USH2A: variants seen among roughly 807,000 people sequenced by gnomAD.
USH2A encodes usherin.
A neutral mutation model predicts 538.9 loss-of-function variants in USH2A; 443 were observed. The observed-to-expected ratio is 0.82, with a 90% confidence interval of 0.76 to 0.89. USH2A has a LOEUF of 0.89. USH2A is among the 40% of genes least tolerant of loss of function. The probability of loss-of-function intolerance (pLI) is 0.00; values close to 1 mark genes in which losing one functional copy is unlikely to be tolerated. For synonymous variants in USH2A, 2,413 were observed against 2,273.5 expected (o/e 1.06, Z -1.75); for missense variants, 6,633 against 6,324.8 (o/e 1.05, Z -1.65).
intron 64 of USH2A, among the ~76,000 whole-genome samples, chr1:215,658,311 C>T (rs77579247): frequency 7.0e-4 from 106 of 151,790 alleles, no homozygotes; most frequent in Non-Finnish European, 1.3e-3. Context: ...CACCCCCATC[C>T]GACTCTCATG....
intron 47 of USH2A, among the ~76,000 whole-genome samples, chr1:215,836,891 G>A (rs1194901727): frequency 6.6e-6 from 1 of 151,574 alleles, no homozygotes; most frequent in Admixed American, 6.6e-5. Context: ...AGATGTGTTT[G>A]CTAAAGAATA....
At chr1:215,669,362 C>T (rs1205973872) in intron 64 of USH2A, among the ~76,000 whole-genome samples, 2 of 152,244 alleles carry the variant, frequency 1.3e-5, no homozygotes, top group African/African-American at 2.4e-5. Context: ...GTTACGTTTC[C>T]GATGGTGGCA....
rs1195871302 is a variant in USH2A at position 216,050,604 on chromosome 1, C to CTTTCTTTCTTTCTTTCT, written c.6050-1958_6050-1957insAGAAAGAAAGAAAGAAA. Among the ~76,000 whole-genome samples the CTTTCTTTCTTTCTTTCT allele has an allele frequency of 3.0e-3, 207 of 68,592 alleles. 4 individuals are homozygous for CTTTCTTTCTTTCTTTCT. The highest frequency in any genetic ancestry group is 0.01 in the African/African-American group (191 of 18,812). 45.0% of individuals were successfully genotyped at this position (68,592 alleles called of 152,430 possible). A position where few individuals can be genotyped will look rare whatever the true frequency, so the allele number is the denominator to read the frequency against. On this transcript the variant is annotated intron_variant, in intron 30 of 71. Coordinates refer to ENST00000307340, the MANE Select transcript of USH2A (RefSeq NM_206933.4). ...TCTTTCTTTCTTTCTTTCTTTCTTT[C>CTTTCTTTCTTTCTTTCT]TTTTTTTTTTTTTTTTTTGAGACAG... is the stretch of plus-strand genomic sequence containing the variant.
At chr1:216,215,136 C>T (rs1291329230) in intron 15 of USH2A, among the ~76,000 whole-genome samples, 2 of 151,936 alleles carry the variant, frequency 1.3e-5, no homozygotes, top group African/African-American at 4.8e-5. Flanking sequence ...TCCTAGGATT[C>T]CCACCCTGAC....
At chr1:215,868,003 C>A (rs1347642813) in intron 43 of USH2A, among the ~76,000 whole-genome samples, 1 of 152,110 alleles carries the variant, frequency 6.6e-6, no homozygotes, top group Non-Finnish European at 1.5e-5. Flanking sequence ...TATGAGTGGA[C>A]AATAGCTTAG....
rs141768009 is a variant in USH2A at position 216,029,104 on chromosome 1, A to C, written c.6325+17327T>G. Reference sequence around the variant, plus strand: ...TTAAATTGTACTTAATTTTGAATGAATAATGCATTAATATATATTCATGGT... The same window carrying C: ...TTAAATTGTACTTAATTTTGAATGACTAATGCATTAATATATATTCATGGT... On this transcript the variant is annotated intron_variant, in intron 32 of 71. Transcript: ENST00000307340. Among the ~76,000 whole-genome samples, 534 of 152,220 alleles carry C rather than the reference A, an allele frequency of 3.5e-3. 4 individuals carry two copies. The highest frequency in any genetic ancestry group is 0.012 in the African/African-American group (513 of 41,572).
At chr1:216,251,879 T>C (rs1160975673) in intron 11 of USH2A, among the ~76,000 whole-genome samples, 2 of 152,226 alleles carry the variant, frequency 1.3e-5, no homozygotes, top group Non-Finnish European at 2.9e-5. Flanking sequence ...CAATGTTTAA[T>C]GTTATTTGTT....
intron 58 of USH2A, among the ~76,000 whole-genome samples, chr1:215,753,356 G>A (rs929762643): frequency 7.9e-5 from 12 of 152,158 alleles, no homozygotes; most frequent in South Asian, 2.1e-4. Context: ...AAAGACACAC[G>A]CACATGTATG....
chr1:215,885,860 T>C (rs1325782502), intron 41 of USH2A, among the ~76,000 whole-genome samples: 1 of 152,236 alleles, frequency 6.6e-6, no homozygotes, highest in Non-Finnish European at 1.5e-5. Context: ...CTCTGCTCCT[T>C]GTATTATCCC....
Position 215,817,154 on chromosome 1 carries a change from C to G in USH2A, c.9413G>C (p.Gly3138Ala), listed in dbSNP as rs756163056. 2 of 1,612,596 alleles carry G rather than the reference C, an allele frequency of 1.2e-6. No individual in the cohort carries two copies. Among genetic ancestry groups the G allele is most frequent in the Non-Finnish European group, 1.7e-6 (2 of 1,178,954 alleles). ...IDWVSPRKPNGIILGYDLLWK... is the reference protein window; with the variant it reads ...IDWVSPRKPNAIILGYDLLWK... ...TAGGAGATCATATCCAAGAATGATG[C>G]CATTTGGCTTCCGTGGAGACACCCA... The change falls in exon 48 of 72, where the codon GGC becomes GCC. Residue 3138 changes from glycine (G) to alanine (A), a missense_variant. Coordinates refer to ENST00000307340, the MANE Select transcript of USH2A (RefSeq NM_206933.4).
At chr1:216,104,202 G>A (rs191034919) in intron 21 of USH2A, among the ~76,000 whole-genome samples, 2 of 152,044 alleles carry the variant, frequency 1.3e-5, no homozygotes, top group Admixed American at 1.3e-4. Flanking sequence ...ATCTCCAAAT[G>A]CTTTCCCTCC....
At chr1:216,292,480 A>G (rs2037021712) in intron 9 of USH2A, 110 bp from the exon 10 acceptor site, 1 of 1,145,622 alleles carries the variant, frequency 8.7e-7, no homozygotes, top group African/African-American at 1.6e-5. Context: ...AGTGAGTTAA[A>G]AGTCAGCAAT....
Position 215,812,469 on chromosome 1 carries a change from A to G in USH2A, c.9739+1267T>C, listed in dbSNP as rs145655555. 8.9e-3 allele frequency among the ~76,000 whole-genome samples: 1,353 copies of G among 152,316 alleles called. 18 individuals carry two copies. Among genetic ancestry groups the G allele is most frequent in the African/African-American group, 0.031 (1,286 of 41,572 alleles). ...ATTGCACGCCTTCTATATTTGCTCC[A>G]GTATTTTGCAAAACAGACACTGGGT... On this transcript the variant is annotated intron_variant, in intron 49 of 71. Transcript: ENST00000307340.
At chr1:216,389,709 A>G (rs1460767304) in intron 3 of USH2A, among the ~76,000 whole-genome samples, 1 of 152,120 alleles carries the variant, frequency 6.6e-6, no homozygotes, top group African/African-American at 2.4e-5. Context: ...TAATTAGCCC[A>G]TTTTCTTCAG....
intron 21 of USH2A, among the ~76,000 whole-genome samples, chr1:216,102,934 G>C (rs1425585312): frequency 6.6e-6 from 1 of 152,106 alleles, no homozygotes; most frequent in African/African-American, 2.4e-5. Flanking sequence ...TTTACAGCAA[G>C]ACCTTTCATT....
chr1:216,408,717 T>C (rs927537866), intron 3 of USH2A, among the ~76,000 whole-genome samples: 4 of 152,186 alleles, frequency 2.6e-5, no homozygotes, highest in African/African-American at 9.7e-5. Flanking sequence ...ATTACTATTA[T>C]TGCACTTTGG....
intron 4 of USH2A, among the ~76,000 whole-genome samples, chr1:216,361,769 A>T (rs2038495383): frequency 6.6e-6 from 1 of 152,204 alleles, no homozygotes; most frequent in South Asian, 2.1e-4. Flanking sequence ...GCTTGTTGGG[A>T]CACCCACTTT....
At chr1:216,109,998 C>G (rs1290315680) in intron 21 of USH2A, among the ~76,000 whole-genome samples, 3 of 151,932 alleles carry the variant, frequency 2.0e-5, no homozygotes, top group African/African-American at 7.3e-5. Context: ...CAAATGTACC[C>G]TTTATATAGA....
Position 215,741,355 on chromosome 1 carries a change from A to G in USH2A, c.11711+20T>C. The G allele has an allele frequency of 6.2e-7, 1 of 1,613,772 alleles. No homozygotes were observed. Among genetic ancestry groups the G allele is most frequent in the South Asian group, 1.1e-5 (1 of 91,084 alleles). ...ACGCATTCTTAAATAACTAAAAATA[A>G]TAGTAACAGCCAATCTTACCTGTAA... On this transcript the variant is annotated intron_variant, in intron 60 of 71. Transcript: ENST00000307340.
Sources: allele counts gnomAD v4.1 joint callset (sites outside exome capture counted in the v4.1 genomes callset), GRCh38; gene constraint gnomAD v4.1.1; transcripts MANE v1.5; gene names NCBI Gene and HGNC (gene_info 2026-07-23, HGNC 2026-07-21).